The following PLEKHG4 variants were observed in gnomAD, a reference collection of about 807,000 sequenced individuals.
The protein encoded by PLEKHG4 is puratrophin-1.
PLEKHG4 carries 85 observed loss-of-function variants against 136.9 expected under a neutral mutation model. That is an observed-to-expected ratio of 0.62 (90% confidence interval 0.52 to 0.74). The LOEUF (loss-of-function observed/expected upper bound fraction) is 0.74. Ranked by LOEUF, PLEKHG4 falls within the 30% of genes least tolerant of loss-of-function variation. The probability of loss-of-function intolerance (pLI) is 0.00; values close to 1 mark genes in which losing one functional copy is unlikely to be tolerated. For synonymous variants in PLEKHG4, 577 were observed against 646.9 expected (o/e 0.89, Z 1.64); for missense variants, 1,317 against 1,527.8 (o/e 0.86, Z 2.30).
At position 67,285,012 on chromosome 16, in the gene PLEKHG4, C is replaced by T. The variant is rs749316098; in HGVS notation, c.1992C>T (p.Pro664=). Residue 664 remains proline (P), a synonymous_variant, in exon 13 of 22, where the codon CCC becomes CCT. Coordinates refer to ENST00000379344, the MANE Select transcript of PLEKHG4 (RefSeq NM_001129729.3). ...STASLCVSQV[P]AAPAHPPLRK... is the part of the protein sequence containing the mutation. Reference sequence around the variant, plus strand: ...CTAGCCTGTGTGTCAGCCAGGTCCCCGCTGCACCTGCCCACCCTCCCCTGA... The same window carrying T: ...CTAGCCTGTGTGTCAGCCAGGTCCCTGCTGCACCTGCCCACCCTCCCCTGA... The T allele has an allele frequency of 1.5e-5, 24 of 1,613,424 alleles. No homozygotes were observed. Among genetic ancestry groups the T allele is most frequent in the African/African-American group, 2.7e-5 (2 of 74,936 alleles).
chr16:67,287,445 G>C, intron 18 of PLEKHG4: 2 of 558,822 alleles, frequency 3.6e-6, no homozygotes, highest in South Asian at 4.0e-5. Flanking sequence ...TGTCGCCCAG[G>C]ATGGCGTGCA....
chr16:67,279,690 G>A (rs1005724261), intron 1 of PLEKHG4, 64 bp downstream of exon 1: 5 of 223,024 alleles, frequency 2.2e-5, no homozygotes, highest in Non-Finnish European at 4.5e-5. Flanking sequence ...CCAGGGCCTG[G>A]GGGGGCCGGC....
chr16:67,282,387 C>T (rs1321668949), intron 9 of PLEKHG4, 38 bp downstream of exon 9: 1 of 1,611,528 alleles, frequency 6.2e-7, no homozygotes, highest in Non-Finnish European at 8.5e-7. Context: ...TGCCCCAGCC[C>T]ACCATATTCT....
At position 67,280,666 on chromosome 16, in the gene PLEKHG4, T is replaced by C; in HGVS notation, c.500-45T>C. ...AAGCCCGGGTCCAAGTAGGGGTCTC[T>C]GGATAGGTGGTCCAAGGCAGACCCA... On this transcript the variant is annotated intron_variant, in intron 2 of 21. Coordinates refer to ENST00000379344, the MANE Select transcript of PLEKHG4 (RefSeq NM_001129729.3). The surrounding 1 kb of genome is among the most constrained non-coding windows in gnomAD (Gnocchi z 4.4). 2 of 1,613,454 alleles carry C rather than the reference T, an allele frequency of 1.2e-6. No individual in the cohort carries two copies. The highest frequency in any genetic ancestry group is 1.7e-6 in the Non-Finnish European group (2 of 1,179,564).
rs149654792 is a variant in PLEKHG4 at position 67,280,818 on chromosome 16, G to T, written c.595+12G>T. 1,319 of 1,613,972 alleles carry T rather than the reference G, an allele frequency of 8.2e-4. 25 individuals carry two copies. In the East Asian group the frequency reaches 0.019, roughly 24 times the overall value. On this transcript the variant is annotated intron_variant, in intron 3 of 21. Transcript: ENST00000379344. The surrounding 1 kb of genome is among the most constrained non-coding windows in gnomAD (Gnocchi z 4.4). ...GGCCACCTTGCCAGGTAGCCAGGCG[G>T]GCCTAGAGGCGGTGGAGGTGGAGTG...
In PLEKHG4 at chr16:67,288,273, G is replaced by A; in HGVS notation, c.3327G>A (p.Leu1109=). 6.2e-7 allele frequency: 1 copy of A among 1,613,416 alleles called. No individual in the cohort carries two copies. Residue 1109 remains leucine (L), a synonymous_variant, in exon 20 of 22, where the codon CTG becomes CTA. Coordinates refer to ENST00000379344, the MANE Select transcript of PLEKHG4 (RefSeq NM_001129729.3). ...LPGDPASCSV[L]GSLNLHLYRD... ...GAGACCCTGCCTCTTGCTCTGTTCT[G>A]GGGTCCCTCAACCTGCACCTGTACA...
Position 67,281,726 on chromosome 16 carries a change from G to A in PLEKHG4, c.894G>A (p.Leu298=), listed in dbSNP as rs996330272. The A allele has an allele frequency of 1.2e-6, 2 of 1,614,050 alleles. No homozygotes were observed. Among genetic ancestry groups the A allele is most frequent in the Non-Finnish European group, 1.7e-6 (2 of 1,179,940 alleles). ...CACAACACCTTCTTCTCCTGTAGCTGGAGCAGTTGCCTTCTCAGAGCCTGC... is the reference window on the plus strand; with the variant it reads ...CACAACACCTTCTTCTCCTGTAGCTAGAGCAGTTGCCTTCTCAGAGCCTGC... The part of the protein sequence containing the change: ...LLKEVPSGLQ[L]EQLPSQSLLT... Residue 298 remains leucine (L), a splice_region_variant and synonymous_variant, in exon 7 of 22, where the codon CTG becomes CTA. Coordinates refer to ENST00000379344, the MANE Select transcript of PLEKHG4 (RefSeq NM_001129729.3).
In PLEKHG4 at chr16:67,280,396, G is replaced by C. The variant is rs147411959; in HGVS notation, c.352G>C (p.Gly118Arg). Residue 118 changes from glycine to arginine, a missense_variant, in exon 2 of 22, where the codon GGT (glycine) becomes CGT (arginine). Transcript: ENST00000379344. The surrounding 1 kb of genome is among the most constrained non-coding windows in gnomAD (Gnocchi z 4.4). Reference sequence around the variant, plus strand: ...GTCCTCCCACCTCAGCTTGGCACAGGGTGAGAGTGACACCCCAGGGGTAGG... The same window carrying C: ...GTCCTCCCACCTCAGCTTGGCACAGCGTGAGAGTGACACCCCAGGGGTAGG... ...PMSSHLSLAQ[G>R]ESDTPGVGLV... The C allele has an allele frequency of 6.2e-7, 1 of 1,609,670 alleles. No individual in the cohort carries two copies. Among genetic ancestry groups the C allele is most frequent in the African/African-American group, 1.3e-5 (1 of 74,924 alleles).
At chr16:67,281,483 C>T (rs1044903727) in intron 5 of PLEKHG4, 84 bp from the exon 6 acceptor site, 24 of 1,188,880 alleles carry the variant, frequency 2.0e-5, no homozygotes, top group Non-Finnish European at 3.0e-5. Context: ...CGCCTCGCCT[C>T]CCAGAGTGCC....
Position 67,282,293 on chromosome 16 carries a change from G to C in PLEKHG4, c.1197G>C (p.Arg399=). The change falls in exon 9 of 22, where the codon CGG becomes CGC. Residue 399 remains arginine (R), a synonymous_variant. Transcript: ENST00000379344. ...WLAWLQCQGG[R]ELTWLKQEVP... is the part of the protein sequence containing the mutation. ...CATGGCTACAATGCCAGGGGGGCCG[G>C]GAGCTGACATGGCTGAAGCAAGAGG... 2 of 1,613,198 alleles carry C rather than the reference G, an allele frequency of 1.2e-6. No homozygotes were observed. Among genetic ancestry groups the C allele is most frequent in the African/African-American group, 1.3e-5 (1 of 75,036 alleles).
In PLEKHG4 at chr16:67,285,151, G is replaced by A. The variant is rs1182089858; in HGVS notation, c.2131G>A (p.Ala711Thr). The A allele has an allele frequency of 2.5e-6, 4 of 1,613,406 alleles. No individual in the cohort carries two copies. The highest frequency in any genetic ancestry group is 1.1e-5 in the South Asian group (1 of 91,088). The change falls in exon 13 of 22, where the codon GCC becomes ACC. Residue 711 changes from alanine (A) to threonine (T), a missense_variant. By Grantham distance (58) the Ala-to-Thr change is moderately conservative. Coordinates refer to ENST00000379344, the MANE Select transcript of PLEKHG4 (RefSeq NM_001129729.3). ...CCGCAGACCAGAGGCTGGAGGAGGT[G>A]CCCTGCCCCAGGCATCCCCTACTGT... Reference protein sequence around the residue: ...ACRRPEAGGGALPQASPTVPP... With the variant: ...ACRRPEAGGGTLPQASPTVPP...
intron 11 of PLEKHG4, among the ~76,000 whole-genome samples, chr16:67,283,699 C>G (rs993519242): frequency 6.6e-6 from 1 of 151,942 alleles, no homozygotes; most frequent in East Asian, 1.9e-4. Context: ...TGGGCATGCT[C>G]GAGATGGCTG....
rs760780347 is a variant in PLEKHG4, at chr16:67,288,473, C to G, written c.3455-16C>G. On this transcript the variant is annotated splice_polypyrimidine_tract_variant and intron_variant, in intron 20 of 21. Coordinates refer to ENST00000379344, the MANE Select transcript of PLEKHG4 (RefSeq NM_001129729.3). ...GGGCTTCCCGTGCTGACAGTTCACC[C>G]AGTCTCCCTCCCTAGCTGCTGAGGA... is the stretch of plus-strand genomic sequence containing the variant. 5 of 1,614,014 alleles carry G rather than the reference C, an allele frequency of 3.1e-6. No individual in the cohort carries two copies. The South Asian group carries it at 3.3e-5, about 11-fold the overall frequency.
chr16:67,285,126 C>G lies in PLEKHG4; in HGVS notation c.2106C>G (p.Cys702Trp). The G allele has an allele frequency of 6.2e-7, 1 of 1,613,456 alleles. No homozygotes were observed. Among genetic ancestry groups the G allele is most frequent in the Non-Finnish European group, 8.5e-7 (1 of 1,180,002 alleles). ...HCHHAATIAA[C>W]RRPEAGGGAL... Reference sequence around the variant, plus strand: ...ACCATGCGGCCACTATTGCTGCCTGCCGCAGACCAGAGGCTGGAGGAGGTG... The same window carrying G: ...ACCATGCGGCCACTATTGCTGCCTGGCGCAGACCAGAGGCTGGAGGAGGTG... Residue 702 changes from cysteine (C) to tryptophan (W), a missense_variant, in exon 13 of 22, where the codon TGC becomes TGG. Coordinates refer to ENST00000379344, the MANE Select transcript of PLEKHG4 (RefSeq NM_001129729.3).
In PLEKHG4 at chr16:67,284,778, T is replaced by C; in HGVS notation, c.1758T>C (p.Val586=). 1 of 1,613,820 alleles carries C rather than the reference T, an allele frequency of 6.2e-7. No individual in the cohort carries two copies. Among genetic ancestry groups the C allele is most frequent in the Admixed American group, 1.7e-5 (1 of 60,012 alleles). The change falls in exon 13 of 22, where the codon GTT becomes GTC. Residue 586 remains valine, a synonymous_variant. Coordinates refer to ENST00000379344, the MANE Select transcript of PLEKHG4 (RefSeq NM_001129729.3). This position sits in a 1 kb window ranked among gnomAD's most constrained non-coding sequence, Gnocchi z 4.4. The part of the protein sequence containing the change: ...LAELEQERPG[V]VLQQLQLHWT... ...AGCTGGAGCAGGAACGCCCGGGGGT[T>C]GTGTTGCAGCAGCTGCAGCTGCACT...
Position 67,280,210 on chromosome 16 carries a change from A to AC in PLEKHG4, c.169dup (p.Gln57ProfsTer3). 1 of 1,613,804 alleles carries AC rather than the reference A, an allele frequency of 6.2e-7. No individual in the cohort carries two copies. Among genetic ancestry groups the AC allele is most frequent in the Non-Finnish European group, 8.5e-7 (1 of 1,179,918 alleles). ...TCCTCCAAGACCACCAGCCGGGGCC[A>AC]CCCAGGATGAGGAGCTACAGGGCAG... On this transcript the variant is annotated frameshift_variant, in exon 2 of 22. Coordinates refer to ENST00000379344, the MANE Select transcript of PLEKHG4 (RefSeq NM_001129729.3). LOFTEE classifies it high-confidence loss of function. The surrounding 1 kb of genome is among the most constrained non-coding windows in gnomAD (Gnocchi z 4.4).
upstream of PLEKHG4, chr16:67,277,879 C>CGGCT (rs908990940): frequency 2.0e-5 from 3 of 152,376 alleles, no homozygotes; most frequent in African/African-American, 7.2e-5. Context: ...AACCAGGGCC[C>CGGCT]AGCCCTGCCT....
Position 67,284,947 on chromosome 16 carries a change from C to T in PLEKHG4, c.1927C>T (p.Leu643Phe). The change falls in exon 13 of 22, where the codon CTT becomes TTT. Residue 643 changes from leucine (L) to phenylalanine (F), a missense_variant. Physicochemically the swap from Leu to Phe is conservative, Grantham distance 22. Coordinates refer to ENST00000379344, the MANE Select transcript of PLEKHG4 (RefSeq NM_001129729.3). The surrounding 1 kb of genome is among the most constrained non-coding windows in gnomAD (Gnocchi z 4.4). ...CACCTGGCTGGCCCTGGACCAAAAG[C>T]TTGAGGCTTCACTGAAGCTACCACC... ...QDTWLALDQK[L>F]EASLKLPPVG... 1.2e-6 allele frequency: 2 copies of T among 1,613,018 alleles called. No individual in the cohort carries two copies. Among genetic ancestry groups the T allele is most frequent in the Non-Finnish European group, 1.7e-6 (2 of 1,179,932 alleles).
Position 67,287,082 on chromosome 16 carries a change from A to T in PLEKHG4, c.3008A>T (p.Asp1003Val). The change falls in exon 18 of 22, where the codon GAC (aspartate) becomes GTC (valine). Residue 1003 changes from aspartate to valine, a missense_variant. Asp to Val is a radical substitution (Grantham distance 152). Transcript: ENST00000379344. ...TGGTTCCGCCGCCGCAAGGCCAGGG[A>T]CACCTTTGTGCTGCAGGCCTCCAGC... The part of the protein sequence containing the change: ...EIWFRRRKAR[D>V]TFVLQASSLA... The T allele has an allele frequency of 3.1e-6, 5 of 1,613,316 alleles. No homozygotes were observed. Among genetic ancestry groups the T allele is most frequent in the Non-Finnish European group, 4.2e-6 (5 of 1,180,022 alleles).
Sources: allele counts gnomAD v4.1 joint callset (sites outside exome capture counted in the v4.1 genomes callset), GRCh38; gene constraint gnomAD v4.1.1; non-coding constraint Gnocchi (gnomAD v3.1); transcripts MANE v1.5; gene names NCBI Gene and HGNC (gene_info 2026-07-23, HGNC 2026-07-21).